Variants in TRAPPC9 observed in about 807,000 individuals in gnomAD.
The protein encoded by TRAPPC9 is IKK2 binding protein.
TRAPPC9 carries 83 observed loss-of-function variants against 124.0 expected under a neutral mutation model. The observed-to-expected ratio is 0.67, with a 90% confidence interval of 0.56 to 0.80. The LOEUF (loss-of-function observed/expected upper bound fraction) is 0.80, where lower values mean the gene tolerates loss of function less well. TRAPPC9 is among the 30% of genes least tolerant of loss of function. TRAPPC9 has a pLI of 0.00. For missense variants in TRAPPC9, 1,302 were observed against 1,508.3 expected, an observed-to-expected ratio of 0.86 and a Z score of 2.27; for synonymous variants, 638 against 617.5, an observed-to-expected ratio of 1.03 and a Z score of -0.49.
intron 19 of TRAPPC9, among the ~76,000 whole-genome samples, chr8:139,954,953 T>TA (rs1834880979): frequency 6.6e-6 from 1 of 152,250 alleles, no homozygotes; most frequent in Non-Finnish European, 1.5e-5. Flanking sequence ...GTTAATCTGG[T>TA]AATTTTATTT....
chr8:140,320,225 A>T (rs1225120406), intron 9 of TRAPPC9, among the ~76,000 whole-genome samples: 2 of 152,240 alleles, frequency 1.3e-5, no homozygotes, highest in Non-Finnish European at 2.9e-5. Flanking sequence ...ATCTTTCAAC[A>T]TAACAATGCT....
intron 21 of TRAPPC9, among the ~76,000 whole-genome samples, chr8:139,800,232 T>C (rs1823389012): frequency 6.6e-6 from 1 of 152,212 alleles, no homozygotes; most frequent in African/African-American, 2.4e-5. Flanking sequence ...TGACTACACA[T>C]GTGGTAGCCA....
intron 17 of TRAPPC9, among the ~76,000 whole-genome samples, chr8:140,150,416 T>C (rs1587813153): frequency 6.6e-6 from 1 of 152,292 alleles, no homozygotes; most frequent in South Asian, 2.1e-4. Context: ...GCCACTGCAC[T>C]CCAGCCTGAG....
intron 17 of TRAPPC9, among the ~76,000 whole-genome samples, chr8:140,037,606 C>G (rs1444896406): frequency 1.3e-5 from 2 of 149,402 alleles, no homozygotes; most frequent in African/African-American, 4.9e-5. Context: ...CACACAAATG[C>G]CACACACATA....
At chr8:140,415,645 A>G (rs1421688797) in intron 5 of TRAPPC9, among the ~76,000 whole-genome samples, 1 of 152,124 alleles carries the variant, frequency 6.6e-6, no homozygotes, top group African/African-American at 2.4e-5. Context: ...CAGTGCATAG[A>G]GGGCAATTTG....
intron 17 of TRAPPC9, among the ~76,000 whole-genome samples, chr8:140,195,043 C>T (rs1325550798): frequency 6.6e-6 from 1 of 151,934 alleles, no homozygotes; most frequent in Non-Finnish European, 1.5e-5. Context: ...CTCAATGATC[C>T]ACTGTACAGA....
At chr8:140,284,078 A>G in intron 13 of TRAPPC9, 57 bp from the exon 14 acceptor site, 2 of 1,610,256 alleles carry the variant, frequency 1.2e-6, no homozygotes, top group Non-Finnish European at 1.7e-6. Flanking sequence ...TCTCACGCCC[A>G]CGGCTGAAGC....
chr8:140,425,759 A>G (rs1157157569), intron 5 of TRAPPC9, among the ~76,000 whole-genome samples: 6 of 152,182 alleles, frequency 3.9e-5, no homozygotes. Context: ...AGTGGCATAA[A>G]GTCTGCCCGC....
At chr8:140,101,163 G>A (rs1456568588) in intron 17 of TRAPPC9, among the ~76,000 whole-genome samples, 10 of 152,088 alleles carry the variant, frequency 6.6e-5, no homozygotes, top group Admixed American at 2.0e-4. Flanking sequence ...TCTTTGAGAC[G>A]GAGTCTCGCT....
intron 20 of TRAPPC9, among the ~76,000 whole-genome samples, chr8:139,909,452 T>C (rs1007545782): frequency 2.0e-5 from 3 of 151,676 alleles, no homozygotes; most frequent in African/African-American, 4.9e-5. Flanking sequence ...AGAGGACACA[T>C]CCACTTCATA....
chr8:140,438,974 G>A, intron 3 of TRAPPC9, 78 bp downstream of exon 3: 1 of 1,588,638 alleles, frequency 6.3e-7, no homozygotes, highest in Non-Finnish European at 8.6e-7. Flanking sequence ...ACAGGCGTGA[G>A]CCACCGCACC....
At chr8:140,187,574 T>C (rs2062380917) in intron 17 of TRAPPC9, among the ~76,000 whole-genome samples, 1 of 152,206 alleles carries the variant, frequency 6.6e-6, no homozygotes, top group Non-Finnish European at 1.5e-5. Context: ...AGCCACTGTA[T>C]GTCTCTAAAT....
At chr8:140,122,376 C>T (rs147868407) in intron 17 of TRAPPC9, among the ~76,000 whole-genome samples, 44 of 152,260 alleles carry the variant, frequency 2.9e-4, no homozygotes, top group African/African-American at 1.0e-3. Flanking sequence ...GACTCCTGAC[C>T]CATAGAAACT....
At chr8:140,166,797 T>C (rs937044229) in intron 17 of TRAPPC9, among the ~76,000 whole-genome samples, 3 of 152,218 alleles carry the variant, frequency 2.0e-5, no homozygotes, top group African/African-American at 7.2e-5. Flanking sequence ...CAAATGTGTA[T>C]ACAGCCTCCT....
intron 20 of TRAPPC9, among the ~76,000 whole-genome samples, chr8:139,892,298 GAGA>G (rs573816627): frequency 4.8e-4 from 73 of 152,314 alleles, no homozygotes; most frequent in Middle Eastern, 6.8e-3. Context: ...CCCCTCCTAG[GAGA>G]AGGTCAGGGT....
intron 17 of TRAPPC9, among the ~76,000 whole-genome samples, chr8:140,181,898 T>C (rs891729194): frequency 8.5e-5 from 13 of 152,210 alleles, no homozygotes; most frequent in African/African-American, 2.9e-4. Flanking sequence ...AGCAGTTTTC[T>C]ACCTGGGTTG....
chr8:140,345,724 G>C (rs905457168), intron 9 of TRAPPC9, among the ~76,000 whole-genome samples: 1 of 152,186 alleles, frequency 6.6e-6, no homozygotes, highest in Non-Finnish European at 1.5e-5. Context: ...CTCCATATGA[G>C]AAGGTTAAGG....
intron 19 of TRAPPC9, among the ~76,000 whole-genome samples, chr8:139,947,894 G>GTGTGTATATATA (rs1554678277): frequency 1.5e-5 from 1 of 65,858 alleles, no homozygotes; most frequent in African/African-American, 5.8e-5. Context: ...AAATATGTGT[G>GTGTGTATATATA]TATATATATA....
intron 21 of TRAPPC9, among the ~76,000 whole-genome samples, chr8:139,796,368 T>C (rs371925891): frequency 1.3e-5 from 2 of 152,214 alleles, no homozygotes; most frequent in Admixed American, 6.5e-5. Flanking sequence ...TGGTAGGTAG[T>C]TGGTTCCCGC....
Sources: gnomAD v4.1 joint callset for allele counts (sites outside exome capture counted in the v4.1 genomes callset) on GRCh38, gnomAD v4.1.1 for gene constraint, MANE v1.5 for transcripts, NCBI Gene and HGNC (gene_info 2026-07-23, HGNC 2026-07-21) for gene names.